GRAMD1B: variants seen among roughly 807,000 people sequenced by gnomAD.
GRAMD1B encodes protein Aster-B.
GRAMD1B carries 37 observed loss-of-function variants against 99.7 expected under a neutral mutation model. The observed-to-expected ratio is 0.37, with a 90% confidence interval of 0.29 to 0.49. The LOEUF is 0.49. GRAMD1B is among the 20% of genes least tolerant of loss of function. GRAMD1B has a pLI of 0.98. For synonymous variants in GRAMD1B, 427 were observed against 387.6 expected (o/e 1.10, Z -1.19); for missense variants, 888 against 1,009.2 (o/e 0.88, Z 1.63).
In GRAMD1B at chr11:123,625,330, A is replaced by G. The variant is rs1052119210; in HGVS notation, c.*2735A>G. On this transcript the variant is annotated 3_prime_UTR_variant, in exon 20 of 20. Coordinates refer to ENST00000635736, the MANE Select transcript of GRAMD1B (RefSeq NM_001387025.1). ...TGGGGACACACAGGAGTCTTTCTGT[A>G]ATGACTTATGTGGTAAAATGTTTGA... 1 of 152,196 alleles carries G rather than the reference A, an allele frequency of 6.6e-6. No individual in the cohort carries two copies. The highest frequency in any genetic ancestry group is 1.5e-5 in the Non-Finnish European group (1 of 68,042). The allele number at this position is 152,196 out of a possible 1,614,324, so 9.4% of individuals were successfully genotyped here.
intron 3 of GRAMD1B, among the ~76,000 whole-genome samples, chr11:123,582,002 C>T (rs1214276213): frequency 6.6e-6 from 1 of 152,196 alleles, no homozygotes; most frequent in Non-Finnish European, 1.5e-5. Flanking sequence ...GCGTCTTACA[C>T]GAAGGTCACG....
intron 2 of GRAMD1B, among the ~76,000 whole-genome samples, chr11:123,498,018 C>G (rs1428346473): frequency 2.6e-5 from 4 of 152,280 alleles, no homozygotes; most frequent in Non-Finnish European, 4.4e-5. Context: ...TGGCCACCAC[C>G]ACCGGCCAAC....
intron 1 of GRAMD1B, among the ~76,000 whole-genome samples, chr11:123,382,597 G>A (rs1946916547): frequency 6.6e-6 from 1 of 152,166 alleles, no homozygotes; most frequent in Non-Finnish European, 1.5e-5. Context: ...GTGTGGGAAA[G>A]TGGATGAATG....
At chr11:123,444,432 C>T (rs1045316044) in intron 1 of GRAMD1B, among the ~76,000 whole-genome samples, 2 of 151,590 alleles carry the variant, frequency 1.3e-5, no homozygotes, top group African/African-American at 4.9e-5. Flanking sequence ...GTTAAGGCTG[C>T]AGTGAGTTGT....
chr11:123,515,633 A>G (rs902704065), intron 2 of GRAMD1B, among the ~76,000 whole-genome samples: 2 of 152,226 alleles, frequency 1.3e-5, no homozygotes, highest in Non-Finnish European at 2.9e-5. Context: ...GTGGACCAGC[A>G]CAGAATTACC....
intron 2 of GRAMD1B, among the ~76,000 whole-genome samples, chr11:123,524,634 G>A (rs540267204): frequency 4.6e-5 from 7 of 152,200 alleles, no homozygotes; most frequent in African/African-American, 7.2e-5. Flanking sequence ...GCCACTGTGC[G>A]TGACCAAAGG....
intron 2 of GRAMD1B, among the ~76,000 whole-genome samples, chr11:123,513,609 C>CTTTCTTTCTTTCTTTCTTT (rs1206527809): frequency 0.013 from 444 of 35,442 alleles, 2 homozygotes; most frequent in Middle Eastern, 0.045. Context: ...TTCCTTCCTT[C>CTTTCTTTCTTTCTTTCTTT]CTTCCTTCCT....
In GRAMD1B at chr11:123,622,697, A is replaced by G. The variant is rs1171607131; in HGVS notation, c.*102A>G. 1 of 275,464 alleles carries G rather than the reference A, an allele frequency of 3.6e-6. No individual in the cohort carries two copies. Among genetic ancestry groups the G allele is most frequent in the East Asian group, 7.9e-5 (1 of 12,676 alleles). 17.1% of individuals were successfully genotyped at this position (275,464 alleles called of 1,614,324 possible). On this transcript the variant is annotated 3_prime_UTR_variant, in exon 20 of 20. Transcript: ENST00000635736. ...ATATATATATACAGAATATAAATAT[A>G]TATATTATATACAGATTTTAAAAAA...
intron 7 of GRAMD1B, among the ~76,000 whole-genome samples, chr11:123,600,166 T>C (rs1187806444): frequency 6.6e-6 from 1 of 152,106 alleles, no homozygotes; most frequent in Non-Finnish European, 1.5e-5. Flanking sequence ...CCAGTTCCAG[T>C]AGGTGGGTGA....
chr11:123,483,997 TA>T (rs1250961420), intron 2 of GRAMD1B, among the ~76,000 whole-genome samples: 2 of 152,204 alleles, frequency 1.3e-5, no homozygotes, highest in Non-Finnish European at 2.9e-5. Flanking sequence ...TCAAGATGCT[TA>T]ATCAGGTACG....
intron 1 of GRAMD1B, among the ~76,000 whole-genome samples, chr11:123,387,916 G>A (rs1308278168): frequency 6.6e-6 from 1 of 152,052 alleles, no homozygotes; most frequent in Non-Finnish European, 1.5e-5. Flanking sequence ...CTGAGGTCAG[G>A]AGTTCAAGAC....
At chr11:123,403,887 T>C (rs919830721) in intron 1 of GRAMD1B, among the ~76,000 whole-genome samples, 2 of 152,116 alleles carry the variant, frequency 1.3e-5, no homozygotes, top group African/African-American at 2.4e-5. Context: ...TCTCCTGGCA[T>C]TTTAGCCTAG....
intron 1 of GRAMD1B, among the ~76,000 whole-genome samples, chr11:123,414,565 C>T (rs948799139): frequency 3.3e-5 from 5 of 152,208 alleles, no homozygotes; most frequent in African/African-American, 7.2e-5. Flanking sequence ...CCTTATGGGG[C>T]TTACTCTGAC....
chr11:123,587,475 G>A lies in GRAMD1B; in HGVS notation c.684+3143G>A, dbSNP rs1440609397. 6.6e-6 allele frequency among the ~76,000 whole-genome samples: 1 copy of A among 152,248 alleles called. No homozygotes were observed. The highest frequency in any genetic ancestry group is 2.4e-5 in the African/African-American group (1 of 41,464). Reference sequence around the variant, plus strand: ...AATAGGGTTTTGCCTTCAGCAGGGAGCCAAGGGCAGAGTTGAGGGGCAACC... The same window carrying A: ...AATAGGGTTTTGCCTTCAGCAGGGAACCAAGGGCAGAGTTGAGGGGCAACC... On this transcript the variant is annotated intron_variant, in intron 4 of 19. Coordinates refer to ENST00000635736, the MANE Select transcript of GRAMD1B (RefSeq NM_001387025.1). The surrounding 1 kb of genome is among the most constrained non-coding windows in gnomAD (Gnocchi z 4.2).
intron 1 of GRAMD1B, among the ~76,000 whole-genome samples, chr11:123,362,817 TGAGATCCACCGAACCTG>T (rs761581731): frequency 3.3e-5 from 5 of 152,050 alleles, no homozygotes; most frequent in Admixed American, 6.5e-5. Flanking sequence ...GAAAAGTTTG[TGAGATCCACCGAACCTG>T]GAGATACAGG....
intron 2 of GRAMD1B, among the ~76,000 whole-genome samples, chr11:123,529,740 C>T (rs954520889): frequency 6.6e-6 from 1 of 152,118 alleles, no homozygotes; most frequent in Non-Finnish European, 1.5e-5. Flanking sequence ...CAAAGATAGT[C>T]CTAATTCCTG....
chr11:123,462,898 A>AAAAT (rs1565519543), intron 1 of GRAMD1B, among the ~76,000 whole-genome samples: 1 of 143,720 alleles, frequency 7.0e-6, no homozygotes, highest in Admixed American at 6.9e-5. Flanking sequence ...AATTAAAAAA[A>AAAAT]AAAAAAAAAA....
intron 1 of GRAMD1B, among the ~76,000 whole-genome samples, chr11:123,368,097 T>C (rs1413056847): frequency 6.6e-6 from 1 of 150,760 alleles, no homozygotes; most frequent in Non-Finnish European, 1.5e-5. Flanking sequence ...CTACTAAAAA[T>C]ACAAAAATTA....
chr11:123,446,750 C>G (rs980022898), intron 1 of GRAMD1B, among the ~76,000 whole-genome samples: 1 of 152,004 alleles, frequency 6.6e-6, no homozygotes, highest in Admixed American at 6.6e-5. Context: ...GGGAACCTGG[C>G]ACTGTTGCTG....
Sources: allele counts gnomAD v4.1 joint callset (sites outside exome capture counted in the v4.1 genomes callset), GRCh38; gene constraint gnomAD v4.1.1; non-coding constraint Gnocchi (gnomAD v3.1); transcripts MANE v1.5; gene names NCBI Gene and HGNC (gene_info 2026-07-23, HGNC 2026-07-21).